ASB2: variants seen among roughly 807,000 people sequenced by gnomAD.
ASB2 encodes the protein ankyrin repeat and SOCS box containing 2, also known as ankyrin repeat and SOCS box protein 2.
ASB2 carries 58 observed loss-of-function variants against 62.4 expected under a neutral mutation model. That is an observed-to-expected ratio of 0.93 (90% CI 0.75 to 1.16). The LOEUF is 1.16. Ranked by LOEUF, ASB2 falls within the 50% of genes most tolerant of loss-of-function variation. The pLI, the probability that ASB2 is intolerant of heterozygous loss-of-function variation, is 0.00. For missense variants in ASB2, 928 were observed against 887.9 expected (o/e 1.05, Z -0.57); for synonymous variants, 386 against 385.3 (o/e 1.00, Z -0.02).
At chr14:93,937,946 CTG>C (rs756521789) in intron 8 of ASB2, 95 bp from the exon 9 acceptor site, 10 of 1,282,594 alleles carry the variant, frequency 7.8e-6, no homozygotes, top group East Asian at 2.6e-5. Context: ...AGCACAGACA[CTG>C]TGCACACCCA....
In ASB2 at chr14:93,954,451, T is replaced by C. The variant is rs780631258; in HGVS notation, c.344A>G (p.Asp115Gly). 3.1e-6 allele frequency: 5 copies of C among 1,614,106 alleles called. No individual in the cohort carries two copies. In the East Asian group the frequency reaches 1.1e-4, roughly 36 times the overall value. ...GGTCTTCAAGGCCTCTTCATCGCCATCCTTGATGGCCTTTATCAAGGGGTC... is the reference window on the plus strand; with the variant it reads ...GGTCTTCAAGGCCTCTTCATCGCCACCCTTGATGGCCTTTATCAAGGGGTC... Reference protein sequence around the residue: ...PADPLIKAIKDGDEEALKTMI... With the variant: ...PADPLIKAIKGGDEEALKTMI... Residue 115 changes from aspartate (D) to glycine (G), a missense_variant, in exon 4 of 10, where the codon GAT (aspartate) becomes GGT (glycine). Asp to Gly is a moderately conservative substitution (Grantham distance 94, BLOSUM62 -1). Coordinates refer to ENST00000555019, the MANE Select transcript of ASB2 (RefSeq NM_001202429.2).
rs539891845 is a variant in ASB2 at position 93,968,460 on chromosome 14, C to T, written c.-73-3848G>A. Among the ~76,000 whole-genome samples, 8 of 152,260 alleles carry T rather than the reference C, an allele frequency of 5.3e-5. No homozygotes were observed. In the South Asian group the frequency reaches 1.7e-3, roughly 32 times the overall value. ...TATAGGAGGAGAGACATATAGAAAG[C>T]TGGGATTTGAAGCCTGATCTTCCAA... On this transcript the variant is annotated intron_variant, in intron 1 of 9. Coordinates refer to ENST00000555019, the MANE Select transcript of ASB2 (RefSeq NM_001202429.2).
At chr14:93,961,296 T>C (rs1187459192) in intron 2 of ASB2, among the ~76,000 whole-genome samples, 1 of 152,202 alleles carries the variant, frequency 6.6e-6, no homozygotes, top group Non-Finnish European at 1.5e-5. Context: ...CCACCTAAGG[T>C]TGCACAGCCA....
At chr14:93,955,238 G>A (rs895852841) in intron 3 of ASB2, 3 of 448,194 alleles carry the variant, frequency 6.7e-6, no homozygotes, top group Non-Finnish European at 1.4e-5. Flanking sequence ...TCATTCCCAG[G>A]ACACCCACGC....
intron 1 of ASB2, among the ~76,000 whole-genome samples, chr14:93,969,268 G>T (rs1482905820): frequency 1.3e-5 from 2 of 152,204 alleles, no homozygotes; most frequent in African/African-American, 2.4e-5. Context: ...GGATGCTATG[G>T]CGGCGTCTCC....
At position 93,939,510 on chromosome 14, in the gene ASB2, G is replaced by A. The variant is rs1403393206; in HGVS notation, c.1215C>T (p.Arg405=). The change falls in exon 8 of 10, where the codon CGC becomes CGT. Residue 405 remains arginine (R), a synonymous_variant. Coordinates refer to ENST00000555019, the MANE Select transcript of ASB2 (RefSeq NM_001202429.2). ...CGGAGCTGCGCCGGTCTTCGTAGAG[G>A]CGCGCGCGCTCGGGGGCCAGCGGCG... The part of the protein sequence containing the change: ...VNTPLAPERA[R]LYEDRRSSAL... The A allele has an allele frequency of 5.6e-6, 9 of 1,607,730 alleles. No individual in the cohort carries two copies. The East Asian group carries it at 1.8e-4, about 32-fold the overall frequency.
Position 93,966,434 on chromosome 14 carries a change from G to T in ASB2, c.-73-1822C>A, listed in dbSNP as rs745686151. Among the ~76,000 whole-genome samples, 27 of 152,244 alleles carry T rather than the reference G, an allele frequency of 1.8e-4. 1 individual carries two copies. Among genetic ancestry groups the T allele is most frequent in the Admixed American group, 2.0e-4 (3 of 15,276 alleles). ...AGACTTTCCTTTCTAATAAAAGAGA[G>T]AGTAGTGAACAAAATGATTCCTTTC... is the stretch of plus-strand genomic sequence containing the variant. On this transcript the variant is annotated intron_variant, in intron 1 of 9. Coordinates refer to ENST00000555019, the MANE Select transcript of ASB2 (RefSeq NM_001202429.2).
In ASB2 at chr14:93,950,701, T is replaced by C. The variant is rs143170141; in HGVS notation, c.880+298A>G. 5.9e-5 allele frequency among the ~76,000 whole-genome samples: 9 copies of C among 152,294 alleles called. No homozygotes were observed. The East Asian group carries it at 1.7e-3, about 29-fold the overall frequency. ...TTCCTCACTCTGTGCCTCAGACTCCTCGTTTGTAAAATGAAAATGTTGGAC... is the reference window on the plus strand; with the variant it reads ...TTCCTCACTCTGTGCCTCAGACTCCCCGTTTGTAAAATGAAAATGTTGGAC... On this transcript the variant is annotated intron_variant, in intron 6 of 9. Coordinates refer to ENST00000555019, the MANE Select transcript of ASB2 (RefSeq NM_001202429.2).
chr14:93,951,174 G>A lies in ASB2; in HGVS notation c.705C>T (p.Cys235=). The A allele has an allele frequency of 6.2e-7, 1 of 1,613,864 alleles. No individual in the cohort carries two copies. Among genetic ancestry groups the A allele is most frequent in the Non-Finnish European group, 8.5e-7 (1 of 1,179,950 alleles). ...CGTGCAGAGCGGTCCAGCCGCGGTTGCAGCGGTGGTTGGTGTCTGCATTGT... is the reference window on the plus strand; with the variant it reads ...CGTGCAGAGCGGTCCAGCCGCGGTTACAGCGGTGGTTGGTGTCTGCATTGT... ...VQHNADTNHR[C]NRGWTALHES... The change falls in exon 6 of 10, where the codon TGC becomes TGT. Residue 235 remains cysteine, a synonymous_variant. Transcript: ENST00000555019.
In ASB2 at chr14:93,939,524, G is replaced by GC. The variant is rs1888426416; in HGVS notation, c.1200_1201insG (p.Pro401AlafsTer142). 6.2e-7 allele frequency: 1 copy of GC among 1,605,572 alleles called. No homozygotes were observed. The highest frequency in any genetic ancestry group is 1.1e-5 in the South Asian group (1 of 90,590). ...TCTTCGTAGAGGCGCGCGCGCTCGG[G>GC]GGCCAGCGGCGTGTTCACGTCGAAG... On this transcript the variant is annotated frameshift_variant, in exon 8 of 10. Coordinates refer to ENST00000555019, the MANE Select transcript of ASB2 (RefSeq NM_001202429.2). LOFTEE classifies it high-confidence loss of function.
chr14:93,957,917 G>T (rs915011579), intron 2 of ASB2, among the ~76,000 whole-genome samples: 5 of 152,130 alleles, frequency 3.3e-5, no homozygotes, highest in Non-Finnish European at 5.9e-5. Context: ...TTCTGGGGGG[G>T]ATTGGGGAGG....
intron 2 of ASB2, chr14:93,957,490 T>C (rs1444098545): frequency 2.8e-6 from 2 of 715,928 alleles, no homozygotes; most frequent in Non-Finnish European, 3.4e-6. Flanking sequence ...CAGACACAGG[T>C]TCACATCTGG....
rs1051485592 is a variant in ASB2 at position 93,934,220 on chromosome 14, G to C, written c.*436C>G. The stretch of plus-strand genomic sequence containing the variant: ...CTTAACAAAGCCCTCCAAGACCCAG[G>C]CTCCCCCTACCCCCTACCTTGGGCC... On this transcript the variant is annotated 3_prime_UTR_variant, in exon 10 of 10. Coordinates refer to ENST00000555019, the MANE Select transcript of ASB2 (RefSeq NM_001202429.2). 2 of 456,726 alleles carry C rather than the reference G, an allele frequency of 4.4e-6. No individual in the cohort carries two copies. The highest frequency in any genetic ancestry group is 8.8e-6 in the Non-Finnish European group (2 of 227,534). 28.3% of individuals were successfully genotyped at this position (456,726 alleles called of 1,614,324 possible). A position where few individuals can be genotyped will look rare whatever the true frequency, so the allele number is the denominator to read the frequency against.
At chr14:93,943,233 G>T (rs887263942) in intron 7 of ASB2, among the ~76,000 whole-genome samples, 2 of 152,212 alleles carry the variant, frequency 1.3e-5, no homozygotes, top group African/African-American at 4.8e-5. Flanking sequence ...AATGAACAAT[G>T]CTCTTGGTAT....
intron 7 of ASB2, among the ~76,000 whole-genome samples, chr14:93,946,763 A>G (rs552365321): frequency 1.3e-5 from 2 of 152,306 alleles, no homozygotes; most frequent in Non-Finnish European, 2.9e-5. Flanking sequence ...AGTATCTAGC[A>G]CTTAGTAATT....
Position 93,946,156 on chromosome 14 carries a change from C to T in ASB2, c.1052+1193G>A, listed in dbSNP as rs186501999. On this transcript the variant is annotated intron_variant, in intron 7 of 9. Transcript: ENST00000555019. ...GGAAGCACTGTCCAGCAAAAAGGGT[C>T]AGATGCTGGGGTTTAAGTCCTAGCC... is the stretch of plus-strand genomic sequence containing the variant. 1.6e-4 allele frequency among the ~76,000 whole-genome samples: 25 copies of T among 152,304 alleles called. No individual in the cohort carries two copies. The East Asian group carries it at 4.8e-3, about 29-fold the overall frequency.
chr14:93,948,026 G>A (rs1278201153), intron 6 of ASB2, among the ~76,000 whole-genome samples: 3 of 138,478 alleles, frequency 2.2e-5, no homozygotes, highest in African/African-American at 7.9e-5. Flanking sequence ...AAAGACCCAG[G>A]GGCCTGCCAG....
At chr14:93,944,599 C>A (rs1567021785) in intron 7 of ASB2, among the ~76,000 whole-genome samples, 1 of 152,184 alleles carries the variant, frequency 6.6e-6, no homozygotes. Context: ...GAGCTCGGGG[C>A]TTGCTGGCCA....
chr14:93,937,107 G>T, intron 9 of ASB2, among the ~76,000 whole-genome samples: 1 of 152,182 alleles, frequency 6.6e-6, no homozygotes, highest in South Asian at 2.1e-4. Flanking sequence ...TTCAGGTGGG[G>T]AGAGGCCTCA....
Sources: gnomAD v4.1 joint callset for allele counts (sites outside exome capture counted in the v4.1 genomes callset) on GRCh38, gnomAD v4.1.1 for gene constraint, MANE v1.5 for transcripts, NCBI Gene and HGNC (gene_info 2026-07-23, HGNC 2026-07-21) for gene names.